Variants in GRIA2 observed in about 807,000 individuals in gnomAD.
The protein encoded by GRIA2 is glutamate receptor 2.
Under a neutral mutation model 97.3 loss-of-function variants are expected in GRIA2, and 14 were observed. The observed-to-expected ratio is 0.14, with a 90% CI of 0.10 to 0.23. The LOEUF is 0.23. Ranked by LOEUF, GRIA2 falls within the 10% of genes least tolerant of loss-of-function variation. The probability of loss-of-function intolerance (pLI) is 1.00; values close to 1 mark genes in which losing one functional copy is unlikely to be tolerated. For synonymous variants in GRIA2, 412 were observed against 387.8 expected (o/e 1.06, Z -0.73); for missense variants, 558 against 1,069.8 (o/e 0.52, Z 6.67).
chr4:157,318,057 C>A (rs1487407946), intron 5 of GRIA2, among the ~76,000 whole-genome samples: 2 of 151,790 alleles, frequency 1.3e-5, no homozygotes, highest in African/African-American at 2.4e-5. Context: ...GAATTGCTTC[C>A]CACTTTGCAT....
At chr4:157,344,681 A>G (rs1735697574) in intron 12 of GRIA2, among the ~76,000 whole-genome samples, 1 of 151,992 alleles carries the variant, frequency 6.6e-6, no homozygotes, top group Non-Finnish European at 1.5e-5. Context: ...ATACTCTTTT[A>G]TAACTAGGAA....
intron 4 of GRIA2, among the ~76,000 whole-genome samples, chr4:157,316,598 C>T (rs973500483): frequency 2.0e-5 from 3 of 151,798 alleles, no homozygotes; most frequent in African/African-American, 4.8e-5. Context: ...TGTGTGAAGC[C>T]CTAAGGTGAT....
chr4:157,361,792 T>A lies in GRIA2; in HGVS notation c.2406+668T>A, dbSNP rs1736642415. 1 of 621,814 alleles carries A rather than the reference T, an allele frequency of 1.6e-6. No homozygotes were observed. The highest frequency in any genetic ancestry group is 2.9e-6 in the Non-Finnish European group (1 of 345,528). 38.5% of individuals were successfully genotyped at this position (621,814 alleles called of 1,614,324 possible). A position where few individuals can be genotyped will look rare whatever the true frequency, so the allele number is the denominator to read the frequency against. On this transcript the variant is annotated intron_variant, in intron 14 of 15. Transcript: ENST00000264426. This position sits in a 1 kb window ranked among gnomAD's most constrained non-coding sequence, Gnocchi z 5.2. Reference sequence around the variant, plus strand: ...GCATGAGATGCATAATTTGGTAAGATGTTTTGGTAATGCCTGCAGAGTTAC... The same window carrying A: ...GCATGAGATGCATAATTTGGTAAGAAGTTTTGGTAATGCCTGCAGAGTTAC...
intron 11 of GRIA2, among the ~76,000 whole-genome samples, 173 bp from the exon 12 acceptor site, chr4:157,341,091 G>T (rs190487360): frequency 1.4e-3 from 208 of 152,076 alleles, no homozygotes; most frequent in African/African-American, 4.8e-3. Flanking sequence ...TAGCTACTCT[G>T]TACTCCTTGC....
intron 2 of GRIA2, among the ~76,000 whole-genome samples, chr4:157,248,780 CTATATATATA>C (rs36210142): frequency 0.019 from 2,331 of 122,180 alleles, 54 homozygotes; most frequent in African/African-American, 0.049. Context: ...CTTTCTTTCA[CTATATATATA>C]TATATATATA....
intron 2 of GRIA2, among the ~76,000 whole-genome samples, chr4:157,277,797 A>G (rs1448775381): frequency 4.6e-5 from 6 of 130,926 alleles, no homozygotes; most frequent in Non-Finnish European, 8.1e-5. Flanking sequence ...AGGTATGAAT[A>G]TAATAAAATA....
At chr4:157,244,878 G>A (rs947141464) in intron 2 of GRIA2, among the ~76,000 whole-genome samples, 56 of 152,078 alleles carry the variant, frequency 3.7e-4, no homozygotes, top group African/African-American at 1.3e-3. Context: ...AGGCCTTCCT[G>A]TAGCTATGTC....
At chr4:157,298,243 A>G (rs1482013849) in intron 2 of GRIA2, among the ~76,000 whole-genome samples, 1 of 152,148 alleles carries the variant, frequency 6.6e-6, no homozygotes, top group Admixed American at 6.6e-5. Context: ...GAAACTTCAT[A>G]TAAGTGGGGA....
intron 2 of GRIA2, among the ~76,000 whole-genome samples, chr4:157,239,785 A>T (rs193153786): frequency 6.6e-6 from 1 of 152,024 alleles, no homozygotes; most frequent in Non-Finnish European, 1.5e-5. Flanking sequence ...CTATTATTCA[A>T]TGCAGAGCCA....
chr4:157,333,754 C>T (rs954506064), intron 8 of GRIA2, among the ~76,000 whole-genome samples: 4 of 151,914 alleles, frequency 2.6e-5, no homozygotes, highest in African/African-American at 9.7e-5. Flanking sequence ...AATTACATTT[C>T]TATATGACCA....
At chr4:157,332,314 A>C (rs1334002429) in intron 6 of GRIA2, among the ~76,000 whole-genome samples, 1 of 151,978 alleles carries the variant, frequency 6.6e-6, no homozygotes, top group African/African-American at 2.4e-5. Context: ...CGCCTAGGGG[A>C]GCCTAAGTAG....
chr4:157,361,727 T>C lies in GRIA2; in HGVS notation c.2406+603T>C. ...CAAAATCAAACCACAAGTGTGTTAGTGGGAATGACCCATCTTAAATAGAAT... is the reference window on the plus strand; with the variant it reads ...CAAAATCAAACCACAAGTGTGTTAGCGGGAATGACCCATCTTAAATAGAAT... On this transcript the variant is annotated intron_variant, in intron 14 of 15. Coordinates refer to ENST00000264426, the MANE Select transcript of GRIA2 (RefSeq NM_001083619.3). This position sits in a 1 kb window ranked among gnomAD's most constrained non-coding sequence, Gnocchi z 5.2. 1.0e-6 allele frequency: 1 copy of C among 980,802 alleles called. No homozygotes were observed. The highest frequency in any genetic ancestry group is 1.6e-6 in the Non-Finnish European group (1 of 614,408). 60.8% of individuals were successfully genotyped at this position (980,802 alleles called of 1,614,324 possible).
At chr4:157,246,165 A>T (rs963616153) in intron 2 of GRIA2, among the ~76,000 whole-genome samples, 1 of 152,116 alleles carries the variant, frequency 6.6e-6, no homozygotes, top group Non-Finnish European at 1.5e-5. Context: ...TGGATGACAT[A>T]CATTCAATAT....
intron 2 of GRIA2, among the ~76,000 whole-genome samples, chr4:157,259,404 C>A (rs993512887): frequency 6.6e-6 from 1 of 152,036 alleles, no homozygotes; most frequent in African/African-American, 2.4e-5. Context: ...ATGTTACTTT[C>A]TTTAGCTATG....
At chr4:157,248,523 A>ATATGTGTGTGTGTGTT (rs1223185587) in intron 2 of GRIA2, among the ~76,000 whole-genome samples, 4 of 36,938 alleles carry the variant, frequency 1.1e-4, no homozygotes, top group East Asian at 1.0e-3. Context: ...GCCTATATAT[A>ATATGTGTGTGTGTGTT]TATGTGTGTG....
chr4:157,260,656 T>C (rs550582772), intron 2 of GRIA2, among the ~76,000 whole-genome samples: 7 of 152,216 alleles, frequency 4.6e-5, no homozygotes, highest in Non-Finnish European at 8.8e-5. Flanking sequence ...ATGTCATCTT[T>C]ACAAAAATCA....
intron 3 of GRIA2, among the ~76,000 whole-genome samples, chr4:157,310,221 A>C (rs1734019328): frequency 6.6e-6 from 1 of 152,166 alleles, no homozygotes; most frequent in African/African-American, 2.4e-5. Context: ...TGTTTTAAAG[A>C]TCTGTCACTG....
chr4:157,269,441 C>T (rs182757635), intron 2 of GRIA2, among the ~76,000 whole-genome samples: 1 of 152,138 alleles, frequency 6.6e-6, no homozygotes, highest in Admixed American at 6.6e-5. Context: ...TGTCTAGTAA[C>T]ATTTGCTCAT....
intron 2 of GRIA2, among the ~76,000 whole-genome samples, chr4:157,245,617 T>A (rs1730698373): frequency 6.6e-6 from 1 of 152,028 alleles, no homozygotes; most frequent in Non-Finnish European, 1.5e-5. Flanking sequence ...ATATCAGGAC[T>A]TCAAAGCCCC....
Sources: allele counts gnomAD v4.1 joint callset (sites outside exome capture counted in the v4.1 genomes callset), GRCh38; gene constraint gnomAD v4.1.1; non-coding constraint Gnocchi (gnomAD v3.1); transcripts MANE v1.5; gene names NCBI Gene and HGNC (gene_info 2026-07-23, HGNC 2026-07-21).